Variants in EHMT1 observed in about 807,000 individuals in gnomAD.
EHMT1 encodes the protein histone-lysine N-methyltransferase EHMT1.
A neutral mutation model predicts 147.2 loss-of-function variants in EHMT1; 15 were observed. The observed-to-expected ratio is 0.10, with a 90% CI of 0.07 to 0.16. The LOEUF (loss-of-function observed/expected upper bound fraction) is 0.16. EHMT1 is among the 10% of genes least tolerant of loss of function. EHMT1 has a pLI of 1.00. For missense variants in EHMT1, 1,587 were observed against 1,772.4 expected, an observed-to-expected ratio of 0.90 and a Z score of 1.88; for synonymous variants, 795 against 709.6, an observed-to-expected ratio of 1.12 and a Z score of -1.91.
chr9:137,821,380 T>A (rs1399540552), intron 25 of EHMT1, among the ~76,000 whole-genome samples: 2 of 136,646 alleles, frequency 1.5e-5, no homozygotes. Flanking sequence ...CAGGCTGGAG[T>A]GCAGTGGCAT....
rs903186094 is a variant in EHMT1 at position 137,630,260 on chromosome 9, G to C, written c.21+11211G>C. 2.6e-5 allele frequency among the ~76,000 whole-genome samples: 4 copies of C among 152,294 alleles called. No individual in the cohort carries two copies. The East Asian group carries it at 7.7e-4, about 29-fold the overall frequency. On this transcript the variant is annotated intron_variant, in intron 1 of 26. Transcript: ENST00000460843. Reference sequence around the variant, plus strand: ...ATACAAAGTTTTGAGATTGATCCCTGATGTTACAAAATTTAATAATAGAAC... The same window carrying C: ...ATACAAAGTTTTGAGATTGATCCCTCATGTTACAAAATTTAATAATAGAAC...
In EHMT1 at chr9:137,751,561, G is replaced by A. The variant is rs1018540585; in HGVS notation, c.1171-770G>A. Among the ~76,000 whole-genome samples the A allele has an allele frequency of 5.9e-5, 9 of 152,136 alleles. 1 individual carries two copies. The highest frequency in any genetic ancestry group is 2.1e-4 in the South Asian group (1 of 4,814). On this transcript the variant is annotated intron_variant, in intron 6 of 26. Transcript: ENST00000460843. ...GCCCCATGCCGCCTTAGGGAGTGCCGGGCACAGGGTGGACGGAGACTCACG... is the reference window on the plus strand; with the variant it reads ...GCCCCATGCCGCCTTAGGGAGTGCCAGGCACAGGGTGGACGGAGACTCACG...
At chr9:137,695,098 T>G (rs1943288992) in intron 1 of EHMT1, among the ~76,000 whole-genome samples, 1 of 152,192 alleles carries the variant, frequency 6.6e-6, no homozygotes, top group South Asian at 2.1e-4. Context: ...ATTTGGAGTT[T>G]TTGGGGTTTT....
chr9:137,812,787 C>CT (rs1954600539), intron 19 of EHMT1, among the ~76,000 whole-genome samples: 1 of 152,266 alleles, frequency 6.6e-6, no homozygotes, highest in Non-Finnish European at 1.5e-5. Flanking sequence ...AGCCTGCTGA[C>CT]TTTGACAGTG....
chr9:137,680,750 C>T (rs1378956317), intron 1 of EHMT1: 1 of 152,276 alleles, frequency 6.6e-6, no homozygotes, highest in South Asian at 2.1e-4. Flanking sequence ...GTGCGGGGCA[C>T]CACCTGTGAG....
chr9:137,824,966 G>A (rs751720715), intron 25 of EHMT1, among the ~76,000 whole-genome samples: 1 of 152,082 alleles, frequency 6.6e-6, no homozygotes. Context: ...CTGGAAGGTC[G>A]GGCATAATGC....
Position 137,834,420 on chromosome 9 carries a change from G to C in EHMT1, c.3612G>C (p.Glu1204Asp), listed in dbSNP as rs867152919. The change falls in exon 26 of 27, where the codon GAG becomes GAC. Residue 1204 changes from glutamate (E) to aspartate (D), a missense_variant. Physicochemically the swap from Glu to Asp is conservative, Grantham distance 45. Transcript: ENST00000460843. The part of the protein sequence containing the change: ...NVSRFINHHC[E>D]PNLVPVRVFM... ...GCCGGTTCATCAACCACCACTGCGA[G>C]CCCAACCTGGTGCCCGTGCGCGTGT... The C allele has an allele frequency of 2.5e-6, 4 of 1,613,352 alleles. 1 individual carries two copies. The Middle Eastern group carries it at 6.6e-4, about 266-fold the overall frequency.
In EHMT1 at chr9:137,813,069, G is replaced by C. The variant is rs1343974100; in HGVS notation, c.2931G>C (p.Gln977His). The C allele has an allele frequency of 6.2e-7, 1 of 1,613,890 alleles. No homozygotes were observed. Among genetic ancestry groups the C allele is most frequent in the Non-Finnish European group, 8.5e-7 (1 of 1,180,032 alleles). The change falls in exon 20 of 27, where the codon CAG (glutamine) becomes CAC (histidine). Residue 977 changes from glutamine (Q) to histidine (H), a missense_variant. Gln to His is a conservative substitution (Grantham distance 24, BLOSUM62 0). Transcript: ENST00000460843. This position sits in a 1 kb window ranked among gnomAD's most constrained non-coding sequence, Gnocchi z 4.9. ...ACAAGGAAGGAGAGACGCCCCTGCA[G>C]TGTGCGAGCCTCAACTCTCAGGTGT... ...LKNKEGETPL[Q>H]CASLNSQVWS...
At chr9:137,648,968 C>T (rs1284735007) in intron 1 of EHMT1, among the ~76,000 whole-genome samples, 3 of 152,182 alleles carry the variant, frequency 2.0e-5, no homozygotes, top group Admixed American at 2.0e-4. Context: ...TGAGCTGTAC[C>T]ATCTTATCCA....
At chr9:137,794,854 G>C (rs534297180) in intron 16 of EHMT1, among the ~76,000 whole-genome samples, 1 of 152,178 alleles carries the variant, frequency 6.6e-6, no homozygotes, top group East Asian at 1.9e-4. Flanking sequence ...AACATGTTCG[G>C]GTAAAAAAGC....
intron 1 of EHMT1, among the ~76,000 whole-genome samples, chr9:137,647,386 A>G (rs533402472): frequency 5.3e-5 from 8 of 152,154 alleles, no homozygotes; most frequent in Non-Finnish European, 7.4e-5. Context: ...GCAGCGCTAG[A>G]CACCATCTGT....
chr9:137,784,432 G>T, intron 15 of EHMT1: 1 of 1,190,628 alleles, frequency 8.4e-7, no homozygotes, highest in Non-Finnish European at 1.0e-6. Context: ...TTGGTCGTTC[G>T]TGCATCTTTT....
Position 137,647,573 on chromosome 9 carries a change from C to G in EHMT1, c.21+28524C>G, listed in dbSNP as rs533592999. On this transcript the variant is annotated intron_variant, in intron 1 of 26. Coordinates refer to ENST00000460843, the MANE Select transcript of EHMT1 (RefSeq NM_024757.5). ...CTGCTCTGCACGCAGACTTCCTGTG[C>G]CTTCTGGGCTCTGCTCTTGCCTTTT... Among the ~76,000 whole-genome samples the G allele has an allele frequency of 1.3e-4, 19 of 151,578 alleles. No homozygotes were observed. In the East Asian group the frequency reaches 3.3e-3, roughly 26 times the overall value.
chr9:137,674,251 T>TC (rs1941003772), intron 1 of EHMT1, among the ~76,000 whole-genome samples: 1 of 152,140 alleles, frequency 6.6e-6, no homozygotes, highest in African/African-American at 2.4e-5. Context: ...CACCAGGGCC[T>TC]CCTGAAGGCC....
At chr9:137,629,207 C>T (rs1299549037) in intron 1 of EHMT1, among the ~76,000 whole-genome samples, 1 of 151,732 alleles carries the variant, frequency 6.6e-6, no homozygotes, top group Non-Finnish European at 1.5e-5. Flanking sequence ...ATTCTCCAGC[C>T]TCAGCCTCCC....
At chr9:137,823,946 G>A (rs1385589600) in intron 25 of EHMT1, among the ~76,000 whole-genome samples, 2 of 152,220 alleles carry the variant, frequency 1.3e-5, no homozygotes, top group Admixed American at 1.3e-4. Flanking sequence ...ATAAATATGT[G>A]TGTGATGTGA....
chr9:137,718,818 C>T (rs750761994), intron 3 of EHMT1, among the ~76,000 whole-genome samples: 120 of 148,862 alleles, frequency 8.1e-4, no homozygotes, highest in Admixed American at 6.7e-4. Flanking sequence ...TGAAATGGCG[C>T]GATCTCAGCT....
At chr9:137,736,540 C>T (rs1181364913) in intron 4 of EHMT1, among the ~76,000 whole-genome samples, 2 of 152,244 alleles carry the variant, frequency 1.3e-5, no homozygotes, top group Non-Finnish European at 2.9e-5. Context: ...ACCTGGAAGA[C>T]TTTCTAGGAT....
Position 137,817,493 on chromosome 9 carries a change from G to C in EHMT1, c.3429G>C (p.Leu1143=). ...ACATGGGCTGGGGCGTGCGGTCCCT[G>C]CAGGACATCCCACCAGGCACCTTTG... ...TRDMGWGVRS[L]QDIPPGTFVC... Residue 1143 remains leucine, a synonymous_variant, in exon 24 of 27, where the codon CTG becomes CTC. Transcript: ENST00000460843. The C allele has an allele frequency of 6.2e-7, 1 of 1,614,216 alleles. No homozygotes were observed. Among genetic ancestry groups the C allele is most frequent in the Non-Finnish European group, 8.5e-7 (1 of 1,180,024 alleles).
Sources: gnomAD v4.1 joint callset for allele counts (sites outside exome capture counted in the v4.1 genomes callset) on GRCh38, gnomAD v4.1.1 for gene constraint, Gnocchi (gnomAD v3.1) non-coding constraint, MANE v1.5 for transcripts, NCBI Gene and HGNC (gene_info 2026-07-23, HGNC 2026-07-21) for gene names.